The following FRMD6 variants were observed in gnomAD, a reference collection of about 807,000 sequenced individuals.
FRMD6 encodes the protein FERM domain-containing protein 6.
FRMD6 carries 37 observed loss-of-function variants against 73.2 expected under a neutral mutation model. That is an observed-to-expected ratio of 0.51 (90% CI 0.39 to 0.66). The LOEUF is 0.66. FRMD6 is among the 30% of genes least tolerant of loss of function. FRMD6 has a pLI of 0.00. For missense variants in FRMD6, 714 were observed against 780.5 expected (o/e 0.91, Z 1.02); for synonymous variants, 273 against 282.2 (o/e 0.97, Z 0.33).
chr14:51,546,607 C>T (rs951069068), intron 1 of FRMD6: 1 of 126,526 alleles, frequency 7.9e-6, no homozygotes, highest in Non-Finnish European at 1.6e-5. Context: ...AAAAAAAAAA[C>T]CTGTGGTGTT....
chr14:51,496,584 C>T (rs1181423842), intron 1 of FRMD6, among the ~76,000 whole-genome samples: 1 of 152,206 alleles, frequency 6.6e-6, no homozygotes, highest in African/African-American at 2.4e-5. Context: ...TGCGAAGCCT[C>T]TTCAGATCTG....
At chr14:51,437,919 G>C in the FRMD6 span, among the ~76,000 whole-genome samples, 11 of 152,240 alleles carry the variant, frequency 7.2e-5, no homozygotes, top group East Asian at 2.1e-3. Flanking sequence ...AAGTTGTGAG[G>C]CCTCTGTGTA....
chr14:51,436,927 A>G, the FRMD6 span: 1 of 1,004,586 alleles, frequency 1.0e-6, no homozygotes, highest in East Asian at 3.1e-5. Flanking sequence ...ATGATGATGA[A>G]GGGGAGGGAG....
chr14:51,465,918 C>CATGGTA, the FRMD6 span, among the ~76,000 whole-genome samples: 1 of 152,148 alleles, frequency 6.6e-6, no homozygotes, highest in African/African-American at 2.4e-5. Context: ...TAATCTTCTA[C>CATGGTA]CAGCAGTACA....
chr14:51,537,384 T>C (rs1277478277), intron 1 of FRMD6, among the ~76,000 whole-genome samples: 1 of 152,168 alleles, frequency 6.6e-6, no homozygotes, highest in African/African-American at 2.4e-5. Context: ...CGGACCACAG[T>C]TTTTATTTAT....
At chr14:51,601,199 T>C (rs1473008034) in intron 2 of FRMD6, among the ~76,000 whole-genome samples, 1 of 152,038 alleles carries the variant, frequency 6.6e-6, no homozygotes, top group Non-Finnish European at 1.5e-5. Context: ...CTGGTCAGGG[T>C]TGGATGAATG....
At chr14:51,678,394 G>T (rs562226723) in intron 1 of FRMD6, among the ~76,000 whole-genome samples, 17 of 152,222 alleles carry the variant, frequency 1.1e-4, no homozygotes, top group South Asian at 2.1e-4. Context: ...AAATTATTTT[G>T]TGGACAGTGT....
intron 2 of FRMD6, among the ~76,000 whole-genome samples, chr14:51,573,093 G>T (rs1888218803): frequency 6.6e-6 from 1 of 152,180 alleles, no homozygotes; most frequent in Admixed American, 6.5e-5. Flanking sequence ...ATATAGAAAT[G>T]AGGTTGTTTT....
upstream of FRMD6, among the ~76,000 whole-genome samples, chr14:51,648,116 C>T (rs780601810): frequency 1.3e-5 from 2 of 152,114 alleles, no homozygotes; most frequent in Non-Finnish European, 2.9e-5. Context: ...TGAGCCACCG[C>T]GCCCAGCCAA....
chr14:51,681,167 T>C (rs994630342), intron 1 of FRMD6, among the ~76,000 whole-genome samples: 1 of 152,236 alleles, frequency 6.6e-6, no homozygotes, highest in Non-Finnish European at 1.5e-5. Flanking sequence ...GCAAGTCCAC[T>C]TTAATTGGAA....
intron 1 of FRMD6, among the ~76,000 whole-genome samples, chr14:51,555,049 C>T (rs578245386): frequency 3.0e-4 from 45 of 152,242 alleles, no homozygotes; most frequent in Non-Finnish European, 5.1e-4. Flanking sequence ...AATACTTACT[C>T]GATGCATTGT....
intron 2 of FRMD6, among the ~76,000 whole-genome samples, chr14:51,624,760 C>A (rs1320932712): frequency 1.3e-5 from 2 of 152,134 alleles, no homozygotes; most frequent in Admixed American, 6.6e-5. Flanking sequence ...GCTGAGATAG[C>A]TAAACACCAG....
At chr14:51,593,494 A>C (rs188655034) in intron 2 of FRMD6, among the ~76,000 whole-genome samples, 1 of 152,356 alleles carries the variant, frequency 6.6e-6, no homozygotes, top group African/African-American at 2.4e-5. Flanking sequence ...AGAAAAATGA[A>C]TGTCAGCAGA....
intron 1 of FRMD6, among the ~76,000 whole-genome samples, chr14:51,659,752 G>A (rs1024602536): frequency 6.6e-6 from 1 of 152,142 alleles, no homozygotes; most frequent in African/African-American, 2.4e-5. Context: ...CATGTTCCCT[G>A]TATGGCTTCA....
At chr14:51,653,182 G>A (rs1056520032) in intron 1 of FRMD6, among the ~76,000 whole-genome samples, 13 of 150,472 alleles carry the variant, frequency 8.6e-5, no homozygotes, top group Non-Finnish European at 3.0e-5. Flanking sequence ...TGGAGAAAAA[G>A]TATCTCTTGC....
the FRMD6 span, among the ~76,000 whole-genome samples, chr14:51,413,039 G>A: frequency 6.9e-6 from 1 of 144,840 alleles, no homozygotes; most frequent in Non-Finnish European, 1.5e-5. Context: ...TCGCCAGGCT[G>A]GAGCGCAGTG....
chr14:51,638,911 C>T (rs1891695303), intron 2 of FRMD6, among the ~76,000 whole-genome samples: 1 of 152,118 alleles, frequency 6.6e-6, no homozygotes, highest in Non-Finnish European at 1.5e-5. Flanking sequence ...GTTCCCAGTC[C>T]TTCCTGTTCC....
At chr14:51,495,505 G>T (rs1378549390) in intron 1 of FRMD6, among the ~76,000 whole-genome samples, 1 of 152,334 alleles carries the variant, frequency 6.6e-6, no homozygotes, top group East Asian at 1.9e-4. Flanking sequence ...TTGCCAGATT[G>T]ATTTCCTCAG....
At chr14:51,545,830 A>G (rs1379792898) in intron 1 of FRMD6, among the ~76,000 whole-genome samples, 1 of 152,110 alleles carries the variant, frequency 6.6e-6, no homozygotes, top group African/African-American at 2.4e-5. Flanking sequence ...CTATTTGACA[A>G]TTTTACTAGC....
Sources: allele counts gnomAD v4.1 joint callset (sites outside exome capture counted in the v4.1 genomes callset), GRCh38; gene constraint gnomAD v4.1.1; transcripts MANE v1.5; gene names NCBI Gene and HGNC (gene_info 2026-07-23, HGNC 2026-07-21).